Variants in RBM6 observed in about 807,000 individuals in gnomAD.
RBM6 encodes RNA-binding protein 6.
RBM6 carries 23 observed loss-of-function variants against 140.4 expected under a neutral mutation model. That is an observed-to-expected ratio of 0.16 (90% CI 0.12 to 0.23). The LOEUF is 0.23. Ranked by LOEUF, RBM6 falls within the 10% of genes least tolerant of loss-of-function variation. The pLI is 1.00. For missense variants in RBM6, 1,139 were observed against 1,386.7 expected, an observed-to-expected ratio of 0.82 and a Z score of 2.84; for synonymous variants, 439 against 475.6, an observed-to-expected ratio of 0.92 and a Z score of 1.00.
At chr3:50,001,893 G>A (rs1020265753) in intron 6 of RBM6, among the ~76,000 whole-genome samples, 1 of 152,206 alleles carries the variant, frequency 6.6e-6, no homozygotes, top group Non-Finnish European at 1.5e-5. Context: ...TTGGGAGAAT[G>A]CATCATGGTG....
At chr3:50,028,179 A>G (rs1037196312) in intron 6 of RBM6, among the ~76,000 whole-genome samples, 2 of 152,122 alleles carry the variant, frequency 1.3e-5, no homozygotes, top group Admixed American at 6.6e-5. Context: ...ACAGTTGAAT[A>G]GCAGTCTTCT....
At chr3:49,988,129 G>A (rs1415402804) in intron 5 of RBM6, among the ~76,000 whole-genome samples, 1 of 152,128 alleles carries the variant, frequency 6.6e-6, no homozygotes, top group Non-Finnish European at 1.5e-5. Context: ...TCTCTTGGTT[G>A]TGTTGGGCCT....
intron 6 of RBM6, among the ~76,000 whole-genome samples, chr3:50,028,061 CTTG>C (rs1427139829): frequency 2.8e-5 from 3 of 106,264 alleles, no homozygotes; most frequent in South Asian, 4.9e-4. Context: ...GGGTTTTGTA[CTTG>C]TTTTTTTTTT....
intron 6 of RBM6, among the ~76,000 whole-genome samples, chr3:50,018,593 T>G (rs1047664522): frequency 4.0e-4 from 53 of 131,898 alleles, no homozygotes; most frequent in African/African-American, 1.2e-3. Flanking sequence ...TTTTTTTTTT[T>G]TTTTTTTTTT....
At chr3:50,031,716 A>AACTT (rs1416962409) in intron 6 of RBM6, among the ~76,000 whole-genome samples, 1 of 152,190 alleles carries the variant, frequency 6.6e-6, no homozygotes, top group African/African-American at 2.4e-5. Flanking sequence ...TGTACCCTAG[A>AACTT]ACTTAAAGTA....
At chr3:50,018,840 C>T (rs1188278758) in intron 6 of RBM6, among the ~76,000 whole-genome samples, 1 of 151,926 alleles carries the variant, frequency 6.6e-6, no homozygotes, top group Non-Finnish European at 1.5e-5. Flanking sequence ...TCGTCCACCT[C>T]GGCCTCCCAA....
chr3:50,035,339 G>A (rs1207654461), intron 6 of RBM6, among the ~76,000 whole-genome samples: 1 of 152,032 alleles, frequency 6.6e-6, no homozygotes, highest in Non-Finnish European at 1.5e-5. Context: ...AGGATAGAGA[G>A]CAGTTAAAAC....
Position 49,967,327 on chromosome 3 carries a change from C to T in RBM6, c.45-143C>T, listed in dbSNP as rs2084555069. On this transcript the variant is annotated intron_variant, in intron 2 of 20. Coordinates refer to ENST00000266022, the MANE Select transcript of RBM6 (RefSeq NM_005777.3). The surrounding 1 kb of genome is among the most constrained non-coding windows in gnomAD (Gnocchi z 4.0). ...TAAAATAGCAAAACTTTGCTGTTTT[C>T]TGCAGATCTAGGACCTTGTTACAGA... 11 of 1,436,020 alleles carry T rather than the reference C, an allele frequency of 7.7e-6. No individual in the cohort carries two copies. The highest frequency in any genetic ancestry group is 1.0e-5 in the Non-Finnish European group (11 of 1,095,880). The allele number at this position is 1,436,020 out of a possible 1,614,324, so 89.0% of individuals were successfully genotyped here. A position where few individuals can be genotyped will look rare whatever the true frequency, so the allele number is the denominator to read the frequency against.
rs75029068 is a variant in RBM6, at chr3:49,975,274, G to T, written c.1414-49G>T. The stretch of plus-strand genomic sequence containing the variant: ...ACTGTTAGGGAAAATCTGATATTCA[G>T]TGTTTGATTATGATTTGTATCATTT... On this transcript the variant is annotated intron_variant, in intron 4 of 20. Transcript: ENST00000266022. 8.6e-6 allele frequency: 12 copies of T among 1,390,832 alleles called. No homozygotes were observed. In the Admixed American group the frequency reaches 2.0e-4, roughly 24 times the overall value. 86.2% of individuals were successfully genotyped at this position (1,390,832 alleles called of 1,614,324 possible).
At chr3:50,013,558 C>T (rs2086965845) in intron 6 of RBM6, among the ~76,000 whole-genome samples, 1 of 152,134 alleles carries the variant, frequency 6.6e-6, no homozygotes, top group African/African-American at 2.4e-5. Flanking sequence ...GTCCCAGCTA[C>T]TCGGGAGGCT....
chr3:49,976,877 G>A (rs948966156), intron 5 of RBM6, among the ~76,000 whole-genome samples: 3 of 152,124 alleles, frequency 2.0e-5, no homozygotes, highest in Non-Finnish European at 2.9e-5. Context: ...AAATCATTCA[G>A]GGCAGTGCTT....
Position 50,061,860 on chromosome 3 carries a change from A to C in RBM6, c.2440-102A>C, listed in dbSNP as rs1203848849. On this transcript the variant is annotated intron_variant, in intron 14 of 20. Coordinates refer to ENST00000266022, the MANE Select transcript of RBM6 (RefSeq NM_005777.3). ...GACTCTTCTTAGACTTGTAAGTAAA[A>C]AAGTTGTTTCTTCCCCTAAAAGGGA... The C allele has an allele frequency of 2.1e-6, 3 of 1,443,036 alleles. No individual in the cohort carries two copies. In the Admixed American group the frequency reaches 7.4e-5, roughly 35 times the overall value. 89.4% of individuals were successfully genotyped at this position (1,443,036 alleles called of 1,614,324 possible).
intron 5 of RBM6, among the ~76,000 whole-genome samples, chr3:49,976,369 T>C (rs2085063798): frequency 6.6e-6 from 1 of 152,198 alleles, no homozygotes; most frequent in Non-Finnish European, 1.5e-5. Context: ...GGTGTTAAGT[T>C]CAGAAATAAT....
chr3:50,015,660 C>T (rs1373440513), intron 6 of RBM6, among the ~76,000 whole-genome samples: 1 of 151,810 alleles, frequency 6.6e-6, no homozygotes, highest in Non-Finnish European at 1.5e-5. Context: ...TCTCCATCTC[C>T]TGACCTCGTG....
At chr3:49,997,643 GCTAACCCTTT>G (rs1272568722) in intron 5 of RBM6, among the ~76,000 whole-genome samples, 1 of 152,138 alleles carries the variant, frequency 6.6e-6, no homozygotes, top group Non-Finnish European at 1.5e-5. Flanking sequence ...TTGTTCCATG[GCTAACCCTTT>G]CTGATTGTAG....
At chr3:49,977,391 T>C (rs2085107385) in intron 5 of RBM6, among the ~76,000 whole-genome samples, 1 of 152,236 alleles carries the variant, frequency 6.6e-6, no homozygotes, top group African/African-American at 2.4e-5. Context: ...GGGCAGTTGT[T>C]TTCCATCATA....
At chr3:49,972,874 C>T (rs1030454269) in intron 4 of RBM6, among the ~76,000 whole-genome samples, 2 of 152,204 alleles carry the variant, frequency 1.3e-5, no homozygotes, top group African/African-American at 4.8e-5. Context: ...CTTTGTCGCC[C>T]AGGCTGGAGT....
chr3:50,069,507 CA>C (rs60210595), intron 18 of RBM6, among the ~76,000 whole-genome samples: 179 of 107,392 alleles, frequency 1.7e-3, no homozygotes, highest in Middle Eastern at 4.8e-3. Flanking sequence ...GACCTTGTCT[CA>C]AAAAAAAAAA....
intron 6 of RBM6, among the ~76,000 whole-genome samples, chr3:50,008,992 C>G (rs1045167834): frequency 6.6e-6 from 1 of 152,124 alleles, no homozygotes; most frequent in Non-Finnish European, 1.5e-5. Flanking sequence ...GTGGTAAGTG[C>G]TCTGTAGTAA....
Sources: gnomAD v4.1 joint callset for allele counts (sites outside exome capture counted in the v4.1 genomes callset) on GRCh38, gnomAD v4.1.1 for gene constraint, Gnocchi (gnomAD v3.1) non-coding constraint, MANE v1.5 for transcripts, NCBI Gene and HGNC (gene_info 2026-07-23, HGNC 2026-07-21) for gene names.